The following MDGA2 variants were observed in gnomAD, a reference collection of about 807,000 sequenced individuals.
MDGA2 encodes the protein MAM domain containing glycosylphosphatidylinositol anchor 2, also known as MAM domain-containing glycosylphosphatidylinositol anchor protein 2.
Under a neutral mutation model 117.8 loss-of-function variants are expected in MDGA2, and 40 were observed. The ratio of observed to expected loss-of-function variants is 0.34; its 90% confidence interval spans 0.26 to 0.44. The LOEUF is 0.44. MDGA2 is among the 20% of genes least tolerant of loss of function. The pLI, the probability that MDGA2 is intolerant of heterozygous loss-of-function variation, is 1.00. For missense variants in MDGA2, 1,123 were observed against 1,250.6 expected, an observed-to-expected ratio of 0.90 and a Z score of 1.54; for synonymous variants, 452 against 439.0, an observed-to-expected ratio of 1.03 and a Z score of -0.37.
chr14:47,662,897 T>C (rs1486803276), intron 1 of MDGA2, among the ~76,000 whole-genome samples: 2 of 152,220 alleles, frequency 1.3e-5, no homozygotes, highest in African/African-American at 4.8e-5. Flanking sequence ...GATAAATCTA[T>C]GCACAACAAA....
intron 1 of MDGA2, among the ~76,000 whole-genome samples, chr14:47,315,470 G>A (rs1348947658): frequency 6.6e-6 from 1 of 152,030 alleles, no homozygotes; most frequent in Admixed American, 6.6e-5. Context: ...GGTCTCAGTA[G>A]GCATCACGTG....
intron 3 of MDGA2, among the ~76,000 whole-genome samples, chr14:47,156,831 G>A (rs562800134): frequency 2.0e-4 from 31 of 152,190 alleles, no homozygotes; most frequent in African/African-American, 7.0e-4. Flanking sequence ...ATACTTGGAG[G>A]CACTAAAGCT....
intron 7 of MDGA2, 71 bp downstream of exon 7, chr14:47,061,178 C>T (rs1053071218): frequency 3.6e-6 from 5 of 1,371,824 alleles, no homozygotes; most frequent in Non-Finnish European, 1.0e-6. Context: ...TAACTAAAAC[C>T]TACTTGATCT....
At chr14:47,133,895 A>T (rs996487834) in intron 4 of MDGA2, among the ~76,000 whole-genome samples, 1 of 151,988 alleles carries the variant, frequency 6.6e-6, no homozygotes, top group African/African-American at 2.4e-5. Flanking sequence ...CCTACAATCA[A>T]CTAAAAAACT....
chr14:47,390,485 T>C (rs12589354), intron 1 of MDGA2, among the ~76,000 whole-genome samples: 24,265 of 152,158 alleles, frequency 0.16, 2,528 homozygotes, highest in East Asian at 0.54. Context: ...CTAGCTAATA[T>C]GACAATATGC....
chr14:47,112,199 GAGAC>G (rs1389409811), intron 5 of MDGA2, among the ~76,000 whole-genome samples: 1 of 152,134 alleles, frequency 6.6e-6, no homozygotes, highest in Non-Finnish European at 1.5e-5. Flanking sequence ...GAGAAAAAGG[GAGAC>G]AGAATGAGAA....
At chr14:47,242,346 T>C (rs991724314) in intron 2 of MDGA2, among the ~76,000 whole-genome samples, 12 of 151,956 alleles carry the variant, frequency 7.9e-5, no homozygotes, top group African/African-American at 2.6e-4. Context: ...TTTGTGGCAT[T>C]TGAGGAGCCC....
chr14:46,857,335 A>C (rs1490855260), intron 14 of MDGA2, among the ~76,000 whole-genome samples: 3 of 152,170 alleles, frequency 2.0e-5, no homozygotes, highest in South Asian at 2.1e-4. Flanking sequence ...GATTCCTTTA[A>C]GTAAAAATAT....
intron 6 of MDGA2, among the ~76,000 whole-genome samples, chr14:47,090,781 G>A (rs1412206518): frequency 6.6e-6 from 1 of 152,142 alleles, no homozygotes; most frequent in Non-Finnish European, 1.5e-5. Context: ...GCTGCCATGA[G>A]AAGAAATCAT....
At chr14:47,654,455 TAACGGTAAGTCAC>T (rs1897705548) in intron 1 of MDGA2, among the ~76,000 whole-genome samples, 1 of 151,954 alleles carries the variant, frequency 6.6e-6, no homozygotes, top group Non-Finnish European at 1.5e-5. Flanking sequence ...GGCTAATAAC[TAACGGTAAGTCAC>T]AACTGGCTGA....
chr14:46,893,482 A>G (rs72676662), intron 10 of MDGA2, among the ~76,000 whole-genome samples: 4,538 of 152,046 alleles, frequency 0.03, 91 homozygotes, highest in Non-Finnish European at 0.05. Context: ...TAAATTTGCT[A>G]AGAGAGTCAA....
At chr14:46,974,208 C>T (rs930688803) in intron 8 of MDGA2, among the ~76,000 whole-genome samples, 1 of 152,070 alleles carries the variant, frequency 6.6e-6, no homozygotes, top group Non-Finnish European at 1.5e-5. Context: ...AACTACAGAA[C>T]ATTTCTGAAA....
intron 1 of MDGA2, among the ~76,000 whole-genome samples, chr14:47,309,700 T>TA (rs1158963196): frequency 3.3e-5 from 5 of 152,198 alleles, no homozygotes; most frequent in African/African-American, 2.4e-5. Flanking sequence ...ACCAAGAATT[T>TA]AAAGAAAAAA....
chr14:46,955,588 G>A (rs75586270), intron 9 of MDGA2, among the ~76,000 whole-genome samples: 1 of 151,792 alleles, frequency 6.6e-6, no homozygotes, highest in Non-Finnish European at 1.5e-5. Flanking sequence ...GAACACAACG[G>A]TATTCTCTTA....
intron 1 of MDGA2, among the ~76,000 whole-genome samples, chr14:47,323,575 T>G (rs1405450519): frequency 2.0e-5 from 3 of 151,794 alleles, no homozygotes; most frequent in African/African-American, 7.3e-5. Context: ...GAGGTTACAG[T>G]GTGCCAAGGT....
At chr14:47,285,611 T>C (rs1443424148) in intron 2 of MDGA2, among the ~76,000 whole-genome samples, 1 of 152,092 alleles carries the variant, frequency 6.6e-6, no homozygotes, top group Non-Finnish European at 1.5e-5. Context: ...CTTCATATTA[T>C]TGAGTCCCAT....
At chr14:47,231,086 A>C (rs1300321477) in intron 2 of MDGA2, among the ~76,000 whole-genome samples, 1 of 152,052 alleles carries the variant, frequency 6.6e-6, no homozygotes, top group Non-Finnish European at 1.5e-5. Flanking sequence ...AATATATTGT[A>C]GTCTTCAATT....
chr14:47,192,282 A>G (rs1026224513), intron 3 of MDGA2, among the ~76,000 whole-genome samples: 1 of 152,078 alleles, frequency 6.6e-6, no homozygotes, highest in Non-Finnish European at 1.5e-5. Context: ...GAAATTTGGG[A>G]CAGACCAGAA....
intron 1 of MDGA2, among the ~76,000 whole-genome samples, chr14:47,405,871 C>T (rs375229914): frequency 6.6e-6 from 1 of 152,016 alleles, no homozygotes; most frequent in Admixed American, 6.6e-5. Flanking sequence ...TATGTTCATG[C>T]GTGACTCAAC....
Sources: gnomAD v4.1 joint callset for allele counts (sites outside exome capture counted in the v4.1 genomes callset) on GRCh38, gnomAD v4.1.1 for gene constraint, MANE v1.5 for transcripts, NCBI Gene and HGNC (gene_info 2026-07-23, HGNC 2026-07-21) for gene names.